PTPRD: variants seen among roughly 807,000 people sequenced by gnomAD.
PTPRD encodes receptor-type tyrosine-protein phosphatase delta.
In PTPRD, 34 loss-of-function variants were observed where a neutral mutation model predicts 214.5. The observed-to-expected ratio is 0.16, with a 90% CI of 0.12 to 0.21. The LOEUF (loss-of-function observed/expected upper bound fraction) is 0.21, where lower values mean the gene tolerates loss of function less well. Among genes scored for constraint, PTPRD ranks in the 10% least tolerant of loss-of-function variants. PTPRD has a pLI of 1.00. For synonymous variants in PTPRD, 1,128 were observed against 845.7 expected (o/e 1.33, Z -5.79); for missense variants, 2,545 against 2,398.7 (o/e 1.06, Z -1.27).
At chr9:8,436,762 G>A in intron 34 of PTPRD, 73 bp from the exon 35 acceptor site, 5 of 1,160,368 alleles carry the variant, frequency 4.3e-6, no homozygotes, top group South Asian at 1.3e-5. Context: ...AAAATATAGA[G>A]AATACTATAG....
At chr9:9,893,316 T>C (rs112794250) in intron 5 of PTPRD, among the ~76,000 whole-genome samples, 15 of 152,012 alleles carry the variant, frequency 9.9e-5, no homozygotes, top group African/African-American at 2.9e-4. Context: ...TGCTCCCAAT[T>C]AAAAGACACA....
intron 5 of PTPRD, among the ~76,000 whole-genome samples, chr9:9,851,107 G>C (rs944910727): frequency 6.6e-6 from 1 of 152,264 alleles, no homozygotes; most frequent in Middle Eastern, 3.4e-3. Flanking sequence ...AGGATGAAAT[G>C]AAATTGTGAA....
chr9:8,826,865 C>T (rs1407033422), intron 11 of PTPRD, among the ~76,000 whole-genome samples: 1 of 152,012 alleles, frequency 6.6e-6, no homozygotes, highest in Non-Finnish European at 1.5e-5. Flanking sequence ...ACTCTCTAAC[C>T]CCACACACTG....
At position 10,455,865 on chromosome 9, in the gene PTPRD, T is replaced by G. The variant is rs557969512; in HGVS notation, c.-599-114848A>C. On this transcript the variant is annotated intron_variant, in intron 2 of 45. Transcript: ENST00000381196. ...AATATAAAATATGTAAAACCAATTG[T>G]GTTACCTTTTTTGCTTTGACTGCTA... Among the ~76,000 whole-genome samples the G allele has an allele frequency of 2.0e-5, 3 of 151,988 alleles. No individual in the cohort carries two copies. The South Asian group carries it at 6.2e-4, about 31-fold the overall frequency.
At chr9:10,517,623 T>A (rs952418108) in intron 2 of PTPRD, among the ~76,000 whole-genome samples, 6 of 152,046 alleles carry the variant, frequency 3.9e-5, no homozygotes, top group Admixed American at 6.6e-5. Flanking sequence ...TATATGAATG[T>A]ATCAATATCT....
At chr9:9,306,899 T>C (rs1024071836) in intron 9 of PTPRD, among the ~76,000 whole-genome samples, 8 of 152,200 alleles carry the variant, frequency 5.3e-5, no homozygotes, top group Non-Finnish European at 1.0e-4. Flanking sequence ...CATTTGAATA[T>C]CTCAAAAGCA....
chr9:9,153,289 T>G (rs1344629079), intron 10 of PTPRD, among the ~76,000 whole-genome samples: 1 of 152,192 alleles, frequency 6.6e-6, no homozygotes, highest in African/African-American at 2.4e-5. Context: ...GACTGACTCT[T>G]TAGTTTTTAA....
At chr9:9,940,153 T>G (rs1356426362) in intron 4 of PTPRD, among the ~76,000 whole-genome samples, 1 of 151,690 alleles carries the variant, frequency 6.6e-6, no homozygotes, top group Admixed American at 6.6e-5. Flanking sequence ...ATGAGGGGAG[T>G]GAGCAGTTAC....
rs749709602 is a variant in PTPRD, at chr9:9,208,020, C to CTTTTTT, written c.-202-24663_-202-24658dup. Among the ~76,000 whole-genome samples the CTTTTTT allele has an allele frequency of 8.9e-3, 474 of 53,240 alleles. 108 individuals are homozygous for CTTTTTT. Among genetic ancestry groups the CTTTTTT allele is most frequent in the African/African-American group, 0.023 (430 of 18,430 alleles). The allele number at this position is 53,240 out of a possible 152,430, so 34.9% of individuals were successfully genotyped here. A position where few individuals can be genotyped will look rare whatever the true frequency, so the allele number is the denominator to read the frequency against. ...TGGTATGGCTATTCATATATATCTG[C>CTTTTTT]TTTTTTTTTTTTTTTTTGAGACAGA... On this transcript the variant is annotated intron_variant, in intron 9 of 45. Transcript: ENST00000381196.
At chr9:9,711,674 T>C (rs1362184344) in intron 7 of PTPRD, among the ~76,000 whole-genome samples, 2 of 152,152 alleles carry the variant, frequency 1.3e-5, no homozygotes, top group East Asian at 3.9e-4. Context: ...CAGACACTTT[T>C]GATGATCAGA....
At chr9:9,315,731 G>GA (rs952696098) in intron 9 of PTPRD, among the ~76,000 whole-genome samples, 74 of 144,446 alleles carry the variant, frequency 5.1e-4, no homozygotes, top group African/African-American at 1.5e-3. Context: ...AACAAAGGAA[G>GA]AAAAAAAAAT....
At chr9:10,168,684 A>T (rs1223771927) in intron 3 of PTPRD, among the ~76,000 whole-genome samples, 1 of 152,232 alleles carries the variant, frequency 6.6e-6, no homozygotes, top group Non-Finnish European at 1.5e-5. Flanking sequence ...TTATTAAAAG[A>T]AAATAGATCT....
Position 9,459,822 on chromosome 9 carries a change from T to A in PTPRD, c.-236-62340A>T, listed in dbSNP as rs141967180. On this transcript the variant is annotated intron_variant, in intron 8 of 45. Transcript: ENST00000381196. ...CCCTATCAAATAACCAATGCCATTT[T>A]TCACAGATTTAGCAAGAGCAATTCA... Among the ~76,000 whole-genome samples, 660 of 152,208 alleles carry A rather than the reference T, an allele frequency of 4.3e-3. 1 individual carries two copies. The highest frequency in any genetic ancestry group is 0.014 in the African/African-American group (590 of 41,534).
intron 9 of PTPRD, among the ~76,000 whole-genome samples, chr9:9,195,086 G>GTGTATATATA (rs1554959656): frequency 7.6e-6 from 1 of 131,172 alleles, no homozygotes; most frequent in African/African-American, 2.7e-5. Flanking sequence ...GTGTGTTTGT[G>GTGTATATATA]TATATATATA....
chr9:8,786,057 GT>G (rs780269774), intron 11 of PTPRD, among the ~76,000 whole-genome samples: 3,048 of 104,844 alleles, frequency 0.029, 73 homozygotes, highest in African/African-American at 0.086. Flanking sequence ...GTGTGTGTGT[GT>G]GTGTGTGTGT....
chr9:9,340,145 G>A (rs567769696), intron 9 of PTPRD, among the ~76,000 whole-genome samples: 2 of 152,226 alleles, frequency 1.3e-5, no homozygotes, highest in South Asian at 2.1e-4. Flanking sequence ...GCTAAAGACA[G>A]TAAAGTGATA....
At chr9:9,416,914 T>TC (rs112456385) in intron 8 of PTPRD, among the ~76,000 whole-genome samples, 10,902 of 152,198 alleles carry the variant, frequency 0.072, 462 homozygotes, top group Middle Eastern at 0.18. Context: ...TTTGTTTTTT[T>TC]CCCTCAATAC....
intron 7 of PTPRD, among the ~76,000 whole-genome samples, chr9:9,608,727 G>C (rs1244879354): frequency 6.6e-6 from 1 of 152,150 alleles, no homozygotes; most frequent in African/African-American, 2.4e-5. Context: ...GACAGCTGTG[G>C]CACACAAGCT....
intron 5 of PTPRD, among the ~76,000 whole-genome samples, chr9:9,910,573 T>C (rs1566217440): frequency 6.6e-6 from 1 of 152,014 alleles, no homozygotes; most frequent in South Asian, 2.1e-4. Flanking sequence ...CTCTCTTCTT[T>C]TTCTAGTTAC....
Sources: allele counts gnomAD v4.1 joint callset (sites outside exome capture counted in the v4.1 genomes callset), GRCh38; gene constraint gnomAD v4.1.1; transcripts MANE v1.5; gene names NCBI Gene and HGNC (gene_info 2026-07-23, HGNC 2026-07-21).